Variants in SLAMF7 observed in about 807,000 individuals in gnomAD.
The protein encoded by SLAMF7 is 19A24 protein.
In SLAMF7, 26 loss-of-function variants were observed where a neutral mutation model predicts 34.1. The observed-to-expected ratio is 0.76, with a 90% CI of 0.56 to 1.06. The LOEUF (loss-of-function observed/expected upper bound fraction) is 1.06, where lower values mean the gene tolerates loss of function less well. Ranked by LOEUF, SLAMF7 falls within the 50% of genes least tolerant of loss-of-function variation. The pLI, the probability that SLAMF7 is intolerant of heterozygous loss-of-function variation, is 0.00. For synonymous variants in SLAMF7, 171 were observed against 156.4 expected (o/e 1.09, Z -0.70); for missense variants, 399 against 402.5 (o/e 0.99, Z 0.07).
intron 1 of SLAMF7, among the ~76,000 whole-genome samples, chr1:160,741,391 C>T (rs971024221): frequency 2.0e-5 from 3 of 151,938 alleles, no homozygotes; most frequent in Non-Finnish European, 4.4e-5. Flanking sequence ...TGAATGTGGT[C>T]GGTTAGGGCT....
intron 1 of SLAMF7, among the ~76,000 whole-genome samples, chr1:160,741,532 T>C (rs1663740961): frequency 6.6e-6 from 1 of 152,186 alleles, no homozygotes. Context: ...TAAAGTGCAA[T>C]AGATTTCAAA....
At chr1:160,743,616 C>G (rs565346125) in intron 1 of SLAMF7, among the ~76,000 whole-genome samples, 1 of 152,318 alleles carries the variant, frequency 6.6e-6, no homozygotes, top group African/African-American at 2.4e-5. Context: ...TGCACTGACT[C>G]AGGTAGAAGG....
chr1:160,745,531 C>T (rs1045717027), intron 1 of SLAMF7, among the ~76,000 whole-genome samples: 13 of 152,136 alleles, frequency 8.5e-5, no homozygotes, highest in African/African-American at 3.1e-4. Context: ...TTGTTGTTGT[C>T]GTTGTTTGAA....
At position 160,751,350 on chromosome 1, in the gene SLAMF7, A is replaced by C. The variant is rs1558059879; in HGVS notation, c.775A>C (p.Ile259Leu). Residue 259 changes from isoleucine to leucine, a missense_variant, in exon 5 of 7, where the codon ATT (isoleucine) becomes CTT (leucine). By Grantham distance (5) the Ile-to-Leu change is conservative (BLOSUM62 2). Transcript: ENST00000368043. ...CTCTCCCAACTTGCTTTTAGAGTACATTGAAGAGAAGAAGAGAGTGGACAT... is the reference window on the plus strand; with the variant it reads ...CTCTCCCAACTTGCTTTTAGAGTACCTTGAAGAGAAGAAGAGAGTGGACAT... ...FLKRERQEEY[I>L]EEKKRVDICR... 1 of 1,613,024 alleles carries C rather than the reference A, an allele frequency of 6.2e-7. No individual in the cohort carries two copies. The highest frequency in any genetic ancestry group is 1.1e-5 in the South Asian group (1 of 91,066).
rs540289071 is a variant in SLAMF7 at position 160,752,248 on chromosome 1, G to A, written c.936G>A (p.Lys312=). Reference sequence around the variant, plus strand: ...ACTCCACTGTGGAAATACCGAAAAAGGTAAGAAGCTTTAGAGCTTAACTTC... The same window carrying A: ...ACTCCACTGTGGAAATACCGAAAAAAGTAAGAAGCTTTAGAGCTTAACTTC... ...TVYSTVEIPK[K]MENPHSLLTM... The change falls in exon 6 of 7, where the codon AAG becomes AAA. Residue 312 remains lysine, a splice_region_variant and synonymous_variant. Transcript: ENST00000368043. 1 of 1,611,540 alleles carries A rather than the reference G, an allele frequency of 6.2e-7. No individual in the cohort carries two copies. The highest frequency in any genetic ancestry group is 8.5e-7 in the Non-Finnish European group (1 of 1,177,944).
Position 160,754,704 on chromosome 1 carries a change from A to G in SLAMF7, c.*1527A>G, listed in dbSNP as rs1050697480. On this transcript the variant is annotated 3_prime_UTR_variant, in exon 7 of 7. Transcript: ENST00000368043. ...GGGATTGAGGATTATCTTCTCTCAG[A>G]AAGGCATTGTGAAGGAATTGAGCCA... 2.0e-5 allele frequency: 3 copies of G among 152,382 alleles called. No homozygotes were observed. Among genetic ancestry groups the G allele is most frequent in the Non-Finnish European group, 4.4e-5 (3 of 68,044 alleles). 9.4% of individuals were successfully genotyped at this position (152,382 alleles called of 1,614,324 possible). A position where few individuals can be genotyped will look rare whatever the true frequency, so the allele number is the denominator to read the frequency against.
At chr1:160,747,914 A>G (rs1187471806) in intron 1 of SLAMF7, among the ~76,000 whole-genome samples, 1 of 152,020 alleles carries the variant, frequency 6.6e-6, no homozygotes, top group African/African-American at 2.4e-5. Flanking sequence ...TTTTTCACCT[A>G]CAACCACATA....
intron 5 of SLAMF7, 25 bp from the exon 6 acceptor site, chr1:160,752,161 T>TTTGTTTG (rs1664684209): frequency 6.3e-7 from 1 of 1,596,804 alleles, no homozygotes; most frequent in South Asian, 1.1e-5. Flanking sequence ...GATGATTTCT[T>TTTGTTTG]TTGTTTGTTG....
At chr1:160,739,971 C>G (rs1300329997) in intron 1 of SLAMF7, among the ~76,000 whole-genome samples, 1 of 152,090 alleles carries the variant, frequency 6.6e-6, no homozygotes, top group African/African-American at 2.4e-5. Flanking sequence ...GAAGATTTTT[C>G]TATCCTAAGG....
Position 160,750,399 on chromosome 1 carries a change from T to C in SLAMF7, c.745T>C (p.Phe249Leu). 2 of 1,614,040 alleles carry C rather than the reference T, an allele frequency of 1.2e-6. No individual in the cohort carries two copies. Among genetic ancestry groups the C allele is most frequent in the Non-Finnish European group, 1.7e-6 (2 of 1,179,920 alleles). The change falls in exon 4 of 7, where the codon TTT becomes CTT. Residue 249 changes from phenylalanine to leucine, a missense_variant. By Grantham distance (22) the Phe-to-Leu change is conservative (BLOSUM62 0). Transcript: ENST00000368043. Reference protein sequence around the residue: ...SLFVLGLFLWFLKRERQEEYI... With the variant: ...SLFVLGLFLWLLKRERQEEYI... ...CTTTGTACTGGGGCTATTTCTTTGG[T>C]TTCTGAAGAGAGAGAGACAAGAAGG... is the stretch of plus-strand genomic sequence containing the variant.
At chr1:160,744,925 A>G (rs1054849192) in intron 1 of SLAMF7, among the ~76,000 whole-genome samples, 48 of 152,232 alleles carry the variant, frequency 3.2e-4, no homozygotes, top group African/African-American at 1.2e-3. Flanking sequence ...AAAGATGAAC[A>G]AAGAGAGCAG....
chr1:160,740,136 G>T (rs1372191623), intron 1 of SLAMF7, among the ~76,000 whole-genome samples: 1 of 152,076 alleles, frequency 6.6e-6, no homozygotes, highest in Non-Finnish European at 1.5e-5. Context: ...CCAAGACCAC[G>T]CAGGCAGCTG....
In SLAMF7 at chr1:160,751,531, A is replaced by T. The variant is rs1445147404; in HGVS notation, c.873+83A>T. 5 of 1,112,106 alleles carry T rather than the reference A, an allele frequency of 4.5e-6. No individual in the cohort carries two copies. In the South Asian group the frequency reaches 5.1e-5, roughly 11 times the overall value. 68.9% of individuals were successfully genotyped at this position (1,112,106 alleles called of 1,614,324 possible). ...AGGTTTTTCCATGGGTTTGGACAAC[A>T]TGGGAATGAAGAGGGGAGTGAGGAT... On this transcript the variant is annotated intron_variant, in intron 5 of 6. Transcript: ENST00000368043.
At position 160,753,282 on chromosome 1, in the gene SLAMF7, A is replaced by C. The variant is rs898927340; in HGVS notation, c.*105A>C. 2.1e-6 allele frequency: 2 copies of C among 968,636 alleles called. No homozygotes were observed. The highest frequency in any genetic ancestry group is 3.1e-6 in the Non-Finnish European group (2 of 639,894). The allele number at this position is 968,636 out of a possible 1,614,324, so 60.0% of individuals were successfully genotyped here. On this transcript the variant is annotated 3_prime_UTR_variant, in exon 7 of 7. Coordinates refer to ENST00000368043, the MANE Select transcript of SLAMF7 (RefSeq NM_021181.5). Reference sequence around the variant, plus strand: ...GATTTGACTAGAAACATCAAGGAAGAATGAAGAACGTTGACTTTTTTCCAG... The same window carrying C: ...GATTTGACTAGAAACATCAAGGAAGCATGAAGAACGTTGACTTTTTTCCAG...
intron 1 of SLAMF7, among the ~76,000 whole-genome samples, chr1:160,739,924 G>A (rs1663594702): frequency 6.6e-6 from 1 of 152,116 alleles, no homozygotes; most frequent in Non-Finnish European, 1.5e-5. Flanking sequence ...GGAGGACAGA[G>A]GACAGTTCTC....
intron 1 of SLAMF7, among the ~76,000 whole-genome samples, 177 bp from the exon 2 acceptor site, chr1:160,748,017 A>C (rs1664269114): frequency 1.3e-5 from 2 of 152,214 alleles, no homozygotes; most frequent in Non-Finnish European, 2.9e-5. Flanking sequence ...CCATGTGAGC[A>C]CTTACATAAT....
intron 1 of SLAMF7, among the ~76,000 whole-genome samples, chr1:160,743,313 T>C (rs186292080): frequency 2.0e-3 from 297 of 152,142 alleles, no homozygotes; most frequent in African/African-American, 6.8e-3. Flanking sequence ...GAGAGGAGGA[T>C]AAAGCACAAA....
chr1:160,739,183 A>G (rs370026555), upstream of SLAMF7: 23 of 881,464 alleles, frequency 2.6e-5, no homozygotes, highest in East Asian at 7.3e-5. Context: ...CAATTACTCA[A>G]TCTCACATGT....
Position 160,752,320 on chromosome 1 carries a change from T to C in SLAMF7, c.936+72T>C, listed in dbSNP as rs1664701008. ...TTCCTGCTTCATGTTTAGGTCAAAA[T>C]TTCTTGGACCCAGGTATCTCATACT... is the stretch of plus-strand genomic sequence containing the variant. On this transcript the variant is annotated intron_variant, in intron 6 of 6. Transcript: ENST00000368043. 3.1e-6 allele frequency: 4 copies of C among 1,280,474 alleles called. No homozygotes were observed. In the African/African-American group the frequency reaches 5.9e-5, roughly 19 times the overall value. The allele number at this position is 1,280,474 out of a possible 1,614,324, so 79.3% of individuals were successfully genotyped here.
Sources: allele counts gnomAD v4.1 joint callset (sites outside exome capture counted in the v4.1 genomes callset), GRCh38; gene constraint gnomAD v4.1.1; transcripts MANE v1.5; gene names NCBI Gene and HGNC (gene_info 2026-07-23, HGNC 2026-07-21).